TNIK: variants seen among roughly 807,000 people sequenced by gnomAD.
The protein encoded by TNIK is TRAF2 and NCK-interacting protein kinase.
TNIK carries 49 observed loss-of-function variants against 191.3 expected under a neutral mutation model. The observed-to-expected ratio is 0.26, with a 90% CI of 0.20 to 0.32. The LOEUF (loss-of-function observed/expected upper bound fraction) is 0.32, where lower values mean the gene tolerates loss of function less well. TNIK is among the 10% of genes least tolerant of loss of function. The pLI, the probability that TNIK is intolerant of heterozygous loss-of-function variation, is 1.00. For missense variants in TNIK, 1,155 were observed against 1,702.3 expected, an observed-to-expected ratio of 0.68 and a Z score of 5.66; for synonymous variants, 594 against 600.9, an observed-to-expected ratio of 0.99 and a Z score of 0.17.
chr3:171,074,030 CTT>C (rs71176590), intron 28 of TNIK, among the ~76,000 whole-genome samples: 169 of 145,314 alleles, frequency 1.2e-3, no homozygotes, highest in African/African-American at 3.8e-3. Flanking sequence ...AGGAAAATAA[CTT>C]TTTTTTTTTT....
At chr3:171,153,634 G>A (rs1732761920) in intron 12 of TNIK, among the ~76,000 whole-genome samples, 1 of 152,180 alleles carries the variant, frequency 6.6e-6, no homozygotes, top group South Asian at 2.1e-4. Context: ...AGCAGCCCAA[G>A]TTTCATTTGA....
rs148352806 is a variant in TNIK, at chr3:171,252,012, C to T, written c.124-23791G>A. On this transcript the variant is annotated intron_variant, in intron 2 of 32. Coordinates refer to ENST00000436636, the MANE Select transcript of TNIK (RefSeq NM_015028.4). ...AATTGCAACATTTTTGAAGGAAATA[C>T]GTGCAATTCTCTAAGGTAAATGTTC... is the stretch of plus-strand genomic sequence containing the variant. Among the ~76,000 whole-genome samples, 62 of 105,094 alleles carry T rather than the reference C, an allele frequency of 5.9e-4. No homozygotes were observed. In the East Asian group the frequency reaches 0.013, roughly 22 times the overall value. The allele number at this position is 105,094 out of a possible 152,430, so 68.9% of individuals were successfully genotyped here. A position where few individuals can be genotyped will look rare whatever the true frequency, so the allele number is the denominator to read the frequency against.
At chr3:171,195,014 T>C (rs750726502) in intron 4 of TNIK, among the ~76,000 whole-genome samples, 11 of 152,312 alleles carry the variant, frequency 7.2e-5, no homozygotes, top group Non-Finnish European at 1.2e-4. Context: ...TGTGGTTCTC[T>C]AGGTGTCCCA....
At chr3:171,162,350 G>C (rs1345650082) in intron 10 of TNIK, among the ~76,000 whole-genome samples, 1 of 152,170 alleles carries the variant, frequency 6.6e-6, no homozygotes, top group Non-Finnish European at 1.5e-5. Flanking sequence ...CATGAACCTG[G>C]AAGGTGGAGC....
At chr3:171,108,293 ATCCT>A in intron 19 of TNIK, 131 bp from the exon 20 acceptor site, 1 of 625,746 alleles carries the variant, frequency 1.6e-6, no homozygotes, top group Non-Finnish European at 2.5e-6. Flanking sequence ...ACCTGGGCAA[ATCCT>A]CAAGAAACAT....
At chr3:171,275,917 T>TAAAG (rs1749686431) in intron 2 of TNIK, among the ~76,000 whole-genome samples, 1 of 150,402 alleles carries the variant, frequency 6.6e-6, no homozygotes, top group Non-Finnish European at 1.5e-5. Context: ...AATAAATAAA[T>TAAAG]AATAAAAAAT....
chr3:171,127,202 C>G (rs1337015162), intron 16 of TNIK, among the ~76,000 whole-genome samples: 1 of 152,146 alleles, frequency 6.6e-6, no homozygotes. Flanking sequence ...TGTGCAAGGA[C>G]CTGTCAAATC....
intron 1 of TNIK, among the ~76,000 whole-genome samples, chr3:171,444,157 T>C (rs1033196455): frequency 6.6e-6 from 1 of 152,164 alleles, no homozygotes; most frequent in East Asian, 1.9e-4. Flanking sequence ...TTTTCCTCCA[T>C]ATAAACAGAC....
chr3:171,445,671 G>A (rs9867340), intron 1 of TNIK, among the ~76,000 whole-genome samples: 7 of 152,138 alleles, frequency 4.6e-5, no homozygotes, highest in African/African-American at 9.6e-5. Flanking sequence ...GTATACGTGC[G>A]AGGGGACAAT....
At chr3:171,452,653 G>C (rs747042671) in intron 1 of TNIK, among the ~76,000 whole-genome samples, 3 of 151,064 alleles carry the variant, frequency 2.0e-5, no homozygotes, top group African/African-American at 7.3e-5. Flanking sequence ...ACCCTTTCCC[G>C]CCCATCTATT....
intron 2 of TNIK, among the ~76,000 whole-genome samples, chr3:171,254,069 A>G (rs891574430): frequency 1.3e-5 from 2 of 152,206 alleles, no homozygotes; most frequent in African/African-American, 4.8e-5. Flanking sequence ...AATTCATCCC[A>G]AAGTGCAAAT....
At chr3:171,374,213 T>C (rs1716916070) in intron 1 of TNIK, among the ~76,000 whole-genome samples, 1 of 152,220 alleles carries the variant, frequency 6.6e-6, no homozygotes, top group African/African-American at 2.4e-5. Flanking sequence ...TTTACCACTG[T>C]GCCCTCTATC....
chr3:171,311,306 T>TATC (rs77990758), intron 2 of TNIK, among the ~76,000 whole-genome samples: 55,274 of 151,774 alleles, frequency 0.36, 10,573 homozygotes, highest in Non-Finnish European at 0.42. Flanking sequence ...AGCATACAAT[T>TATC]ATTATTCACT....
chr3:171,163,176 G>C (rs1734222032), intron 10 of TNIK, among the ~76,000 whole-genome samples: 1 of 152,172 alleles, frequency 6.6e-6, no homozygotes, highest in African/African-American at 2.4e-5. Flanking sequence ...AGGGACAAAG[G>C]CTGGCAGGGA....
At chr3:171,084,100 C>CAAACTTTTTTCACTTTT in intron 26 of TNIK, 55 bp downstream of exon 26, 1 of 1,457,936 alleles carries the variant, frequency 6.9e-7, no homozygotes, top group South Asian at 1.4e-5. Context: ...GTTTGAGGGT[C>CAAACTTTTTTCACTTTT]AGTTCATTAA....
At chr3:171,105,072 C>T (rs1480215839) in intron 21 of TNIK, among the ~76,000 whole-genome samples, 1 of 152,112 alleles carries the variant, frequency 6.6e-6, no homozygotes, top group Non-Finnish European at 1.5e-5. Context: ...GTACACTCCC[C>T]CAAATTAATT....
intron 2 of TNIK, among the ~76,000 whole-genome samples, chr3:171,360,040 GGT>G (rs1714741594): frequency 6.6e-6 from 1 of 152,182 alleles, no homozygotes. Context: ...TACAATATGA[GGT>G]GGAATGAAAG....
rs553642962 is a variant in TNIK at position 171,379,401 on chromosome 3, G to T, written c.58-9716C>A. On this transcript the variant is annotated intron_variant, in intron 1 of 32. Transcript: ENST00000436636. ...GACTTGAATATTTTTTCTGATTTTGGTGCATAGCACAGCTATTTTAATCCT... is the reference window on the plus strand; with the variant it reads ...GACTTGAATATTTTTTCTGATTTTGTTGCATAGCACAGCTATTTTAATCCT... Among the ~76,000 whole-genome samples the T allele has an allele frequency of 6.6e-5, 10 of 152,250 alleles. No homozygotes were observed. In the South Asian group the frequency reaches 2.1e-3, roughly 32 times the overall value.
intron 24 of TNIK, among the ~76,000 whole-genome samples, chr3:171,086,367 G>A (rs1441333141): frequency 6.6e-6 from 1 of 152,156 alleles, no homozygotes; most frequent in African/African-American, 2.4e-5. Context: ...GAAGATGTCT[G>A]TGAAAGAGGT....
Sources: allele counts gnomAD v4.1 joint callset (sites outside exome capture counted in the v4.1 genomes callset), GRCh38; gene constraint gnomAD v4.1.1; transcripts MANE v1.5; gene names NCBI Gene and HGNC (gene_info 2026-07-23, HGNC 2026-07-21).